The following DHRSX variants were observed in gnomAD, a reference collection of about 807,000 sequenced individuals.
The protein encoded by DHRSX is dehydrogenase/reductase X-linked, also known as polyprenol dehydrogenase.
A neutral mutation model predicts 34.0 loss-of-function variants in DHRSX; 31 were observed. That is an observed-to-expected ratio of 0.91 (90% CI 0.69 to 1.23). The LOEUF (loss-of-function observed/expected upper bound fraction) is 1.23, where lower values mean the gene tolerates loss of function less well. Among genes scored for constraint, DHRSX ranks in the 50% most tolerant of loss-of-function variants. The pLI is 0.00. For synonymous variants in DHRSX, 201 were observed against 183.8 expected (o/e 1.09, Z -0.76); for missense variants, 414 against 428.1 (o/e 0.97, Z 0.29).
In DHRSX at chrX:2,395,364, G is replaced by A. The variant is rs189589237; in HGVS notation, c.286+13381C>T. 3.9e-3 allele frequency among the ~76,000 whole-genome samples: 600 copies of A among 152,194 alleles called. 3 individuals carry two copies. Among genetic ancestry groups the A allele is most frequent in the African/African-American group, 0.014 (566 of 41,540 alleles). ...CCAGGGGGTGGAGGGGCCGAGCTAC[G>A]TAAGTCCCTGCGCGCACCACAAAGG... On this transcript the variant is annotated intron_variant, in intron 3 of 6. Coordinates refer to ENST00000334651, the MANE Select transcript of DHRSX (RefSeq NM_145177.3).
intron 3 of DHRSX, among the ~76,000 whole-genome samples, chrX:2,311,045 G>C (rs965649364): frequency 1.1e-4 from 14 of 126,236 alleles, no homozygotes; most frequent in African/African-American, 4.3e-4. Context: ...TGAATGAGAA[G>C]AACAACACTC....
At chrX:2,339,325 G>T (rs975210195) in intron 3 of DHRSX, among the ~76,000 whole-genome samples, 1 of 151,852 alleles carries the variant, frequency 6.6e-6, no homozygotes, top group African/African-American at 2.4e-5. Flanking sequence ...TTTTAGTATA[G>T]ACAGGGTTTC....
At chrX:2,474,469 A>G (rs1417176278) in intron 1 of DHRSX, among the ~76,000 whole-genome samples, 1 of 148,328 alleles carries the variant, frequency 6.7e-6, no homozygotes, top group East Asian at 2.0e-4. Context: ...TGCAGCCAAA[A>G]GACGGCACTG....
At chrX:2,474,160 G>GT (rs768631352) in intron 1 of DHRSX, among the ~76,000 whole-genome samples, 31,164 of 152,006 alleles carry the variant, frequency 0.21, 4,263 homozygotes, top group African/African-American at 0.39. Flanking sequence ...TCAGAAGAAT[G>GT]TGGCCAAGGG....
At chrX:2,450,683 G>A (rs1331176003) in intron 1 of DHRSX, among the ~76,000 whole-genome samples, 1 of 151,028 alleles carries the variant, frequency 6.6e-6, no homozygotes, top group Non-Finnish European at 1.5e-5. Flanking sequence ...CACCTTCAAA[G>A]CAAGGAGGGT....
At chrX:2,283,852 AAATTCACTCATTTG>A (rs1336953378) in intron 4 of DHRSX, among the ~76,000 whole-genome samples, 1 of 152,208 alleles carries the variant, frequency 6.6e-6, no homozygotes, top group Non-Finnish European at 1.5e-5. Flanking sequence ...TTATTCATTT[AAATTCACTCATTTG>A]AATTCATTCA....
At chrX:2,461,364 C>T (rs1210621518) in intron 1 of DHRSX, among the ~76,000 whole-genome samples, 1 of 152,212 alleles carries the variant, frequency 6.6e-6, no homozygotes, top group Non-Finnish European at 1.5e-5. Flanking sequence ...CGGGTCCACC[C>T]GTCAGCCAAA....
At chrX:2,393,393 C>T (rs113350746) in intron 3 of DHRSX, among the ~76,000 whole-genome samples, 2 of 146,106 alleles carry the variant, frequency 1.4e-5, no homozygotes, top group Non-Finnish European at 3.0e-5. Flanking sequence ...CAAGACACAG[C>T]GACCTCCCCA....
chrX:2,465,827 G>GAGAAA (rs2044486445), intron 1 of DHRSX, among the ~76,000 whole-genome samples: 1 of 134,292 alleles, frequency 7.4e-6, no homozygotes, highest in Admixed American at 7.5e-5. Context: ...AAAAAAAAAA[G>GAGAAA]AGAAAAGAAA....
intron 3 of DHRSX, among the ~76,000 whole-genome samples, chrX:2,384,453 G>T (rs185728086): frequency 5.3e-5 from 8 of 152,194 alleles, no homozygotes; most frequent in Non-Finnish European, 1.0e-4. Flanking sequence ...CTGAGGAAAG[G>T]CAGCATAAAA....
intron 4 of DHRSX, among the ~76,000 whole-genome samples, chrX:2,291,214 C>A (rs2041861102): frequency 6.6e-6 from 1 of 152,162 alleles, no homozygotes. Flanking sequence ...TGGGAAAACA[C>A]CAACCCTTAG....
chrX:2,487,217 C>G (rs2044964041), intron 1 of DHRSX: 1 of 152,242 alleles, frequency 6.6e-6, no homozygotes, highest in Admixed American at 6.5e-5. Flanking sequence ...TTCATTTCCC[C>G]TATGGTATTC....
intron 1 of DHRSX, among the ~76,000 whole-genome samples, chrX:2,464,943 T>A (rs1302130106): frequency 6.8e-6 from 1 of 147,302 alleles, no homozygotes; most frequent in African/African-American, 2.5e-5. Flanking sequence ...AGACTGCCAC[T>A]GTGTAAATAC....
chrX:2,465,809 C>CAAAAAAAAAAAAAAAAAAAAAA (rs375728172), intron 1 of DHRSX, among the ~76,000 whole-genome samples: 11 of 84,728 alleles, frequency 1.3e-4, no homozygotes, highest in African/African-American at 3.6e-4. Flanking sequence ...AACTCCATCG[C>CAAAAAAAAAAAAAAAAAAAAAA]AAAAAAAAAA....
chrX:2,345,655 C>CAAAAA (rs71309483), intron 3 of DHRSX, among the ~76,000 whole-genome samples: 1 of 118,538 alleles, frequency 8.4e-6, no homozygotes, highest in African/African-American at 3.2e-5. Flanking sequence ...AACTCTGTCT[C>CAAAAA]AAAAAAAAAA....
In DHRSX at chrX:2,457,971, C is replaced by G. The variant is rs778148108; in HGVS notation, c.110-32667G>C. ...CTGAAGACATTCCCTAAGCTTGTGGCTAAGGGACCACCGCAGTGTGCACAC... is the reference window on the plus strand; with the variant it reads ...CTGAAGACATTCCCTAAGCTTGTGGGTAAGGGACCACCGCAGTGTGCACAC... On this transcript the variant is annotated intron_variant, in intron 1 of 6. Coordinates refer to ENST00000334651, the MANE Select transcript of DHRSX (RefSeq NM_145177.3). Among the ~76,000 whole-genome samples, 218 of 150,468 alleles carry G rather than the reference C, an allele frequency of 1.4e-3. 3 individuals carry two copies. The highest frequency in any genetic ancestry group is 4.9e-3 in the African/African-American group (202 of 40,922).
chrX:2,397,064 G>C (rs1481510493), intron 3 of DHRSX, among the ~76,000 whole-genome samples: 1 of 151,902 alleles, frequency 6.6e-6, no homozygotes, highest in South Asian at 2.1e-4. Context: ...ACAGGGTCGC[G>C]ATCATGGCTC....
At chrX:2,500,591 A>G (rs770164905) in intron 1 of DHRSX, 6,489 of 187,546 alleles carry the variant, frequency 0.035, 449 homozygotes, top group African/African-American at 0.14. Context: ...GGGCCGGGCC[A>G]GGCGCGCAGA....
chrX:2,259,285 T>G (rs1052906665), intron 5 of DHRSX, among the ~76,000 whole-genome samples: 3 of 146,874 alleles, frequency 2.0e-5, no homozygotes, highest in African/African-American at 7.5e-5. Context: ...AAAAAAAATA[T>G]ATAGATAGAT....
Sources: gnomAD v4.1 joint callset for allele counts (sites outside exome capture counted in the v4.1 genomes callset) on GRCh38, gnomAD v4.1.1 for gene constraint, MANE v1.5 for transcripts, NCBI Gene and HGNC (gene_info 2026-07-23, HGNC 2026-07-21) for gene names.